Variants in DNER observed in about 807,000 individuals in gnomAD.
The protein encoded by DNER is delta/notch like EGF repeat containing.
DNER carries 33 observed loss-of-function variants against 78.2 expected under a neutral mutation model. The observed-to-expected ratio is 0.42, with a 90% confidence interval of 0.32 to 0.56. The LOEUF is 0.56. Among genes scored for constraint, DNER ranks in the 20% least tolerant of loss-of-function variants. DNER has a pLI of 0.11. For synonymous variants in DNER, 417 were observed against 384.8 expected (o/e 1.08, Z -0.98); for missense variants, 918 against 975.3 (o/e 0.94, Z 0.78).
At chr2:229,601,600 C>T (rs1697827917) in intron 1 of DNER, among the ~76,000 whole-genome samples, 1 of 152,184 alleles carries the variant, frequency 6.6e-6, no homozygotes, top group Non-Finnish European at 1.5e-5. Flanking sequence ...TTGAAACCAG[C>T]TTGTCCTGAT....
intron 1 of DNER, among the ~76,000 whole-genome samples, chr2:229,658,027 A>G (rs1375479579): frequency 6.6e-6 from 1 of 152,216 alleles, no homozygotes; most frequent in African/African-American, 2.4e-5. Context: ...CAGTGAATTG[A>G]ATTGGAATTG....
At chr2:229,387,543 GAA>G (rs1307492945) in intron 11 of DNER, among the ~76,000 whole-genome samples, 3 of 145,646 alleles carry the variant, frequency 2.1e-5, no homozygotes, top group East Asian at 2.0e-4. Flanking sequence ...AAGAAAGAAA[GAA>G]AGAAAGAAAG....
intron 1 of DNER, among the ~76,000 whole-genome samples, chr2:229,616,427 C>G (rs1356110424): frequency 2.6e-5 from 4 of 152,116 alleles, no homozygotes; most frequent in Non-Finnish European, 2.9e-5. Flanking sequence ...CAGAGTGGTA[C>G]TCAATCATAA....
chr2:229,635,910 A>T (rs939178815), intron 1 of DNER, among the ~76,000 whole-genome samples: 5 of 152,014 alleles, frequency 3.3e-5, no homozygotes, highest in African/African-American at 1.2e-4. Flanking sequence ...AAAAACTCTG[A>T]GGGTTATTTT....
At chr2:229,615,478 G>C (rs183681491) in intron 1 of DNER, among the ~76,000 whole-genome samples, 1 of 151,972 alleles carries the variant, frequency 6.6e-6, no homozygotes, top group African/African-American at 2.4e-5. Context: ...GGGAGGCCGA[G>C]GCGGGTGGAT....
chr2:229,457,712 G>A (rs1694606499), intron 7 of DNER, among the ~76,000 whole-genome samples: 1 of 150,228 alleles, frequency 6.7e-6, no homozygotes, highest in African/African-American at 2.5e-5. Flanking sequence ...TCATATCAAG[G>A]TTATATTGAA....
At chr2:229,397,938 T>G (rs1385576240) in intron 10 of DNER, among the ~76,000 whole-genome samples, 1 of 152,058 alleles carries the variant, frequency 6.6e-6, no homozygotes, top group Non-Finnish European at 1.5e-5. Context: ...CCTATATCAA[T>G]ACTCTAAGAT....
At chr2:229,543,863 C>T (rs1016456423) in intron 5 of DNER, among the ~76,000 whole-genome samples, 1 of 152,182 alleles carries the variant, frequency 6.6e-6, no homozygotes, top group Non-Finnish European at 1.5e-5. Context: ...GATGCCTGCT[C>T]TTTCTTCCGT....
chr2:229,705,152 G>C (rs1383053805), intron 1 of DNER, among the ~76,000 whole-genome samples: 1 of 152,118 alleles, frequency 6.6e-6, no homozygotes, highest in Non-Finnish European at 1.5e-5. Context: ...TGGAAAAGAA[G>C]GACTAGATAC....
intron 1 of DNER, among the ~76,000 whole-genome samples, chr2:229,609,195 C>G (rs1464464444): frequency 6.6e-6 from 1 of 152,174 alleles, no homozygotes; most frequent in Non-Finnish European, 1.5e-5. Context: ...TGCACTCCAG[C>G]TTGGGCAACA....
chr2:229,624,048 C>G (rs1386666509), intron 1 of DNER, among the ~76,000 whole-genome samples: 2 of 152,292 alleles, frequency 1.3e-5, no homozygotes, highest in East Asian at 3.9e-4. Context: ...AGCTCCCCAG[C>G]CACCCCAGCT....
In DNER at chr2:229,554,944, G is replaced by A. The variant is rs193237260; in HGVS notation, c.848-7852C>T. Reference sequence around the variant, plus strand: ...AGAGAAGAGAAGAGAAGAGAGAAAAGGGAAGGGAAGGGAAGGGAAGGGAAG... The same window carrying A: ...AGAGAAGAGAAGAGAAGAGAGAAAAAGGAAGGGAAGGGAAGGGAAGGGAAG... On this transcript the variant is annotated intron_variant, in intron 4 of 12. Transcript: ENST00000341772. Among the ~76,000 whole-genome samples the A allele has an allele frequency of 1.8e-3, 137 of 75,550 alleles. 1 individual carries two copies. Among genetic ancestry groups the A allele is most frequent in the Non-Finnish European group, 3.1e-3 (108 of 34,954 alleles). The allele number at this position is 75,550 out of a possible 152,430, so 49.6% of individuals were successfully genotyped here.
intron 6 of DNER, among the ~76,000 whole-genome samples, chr2:229,505,210 G>GTGTGTGTC (rs1420885016): frequency 6.6e-6 from 1 of 151,656 alleles, no homozygotes; most frequent in Non-Finnish European, 1.5e-5. Flanking sequence ...GTGTGTGTGT[G>GTGTGTGTC]TGTGTGTGTT....
At chr2:229,387,234 C>A (rs1692887158) in intron 11 of DNER, among the ~76,000 whole-genome samples, 1 of 152,018 alleles carries the variant, frequency 6.6e-6, no homozygotes, top group African/African-American at 2.4e-5. Context: ...GAACAAAAAA[C>A]CAAACACCAC....
chr2:229,598,214 CAG>C (rs1697760662), intron 1 of DNER, among the ~76,000 whole-genome samples: 2 of 152,244 alleles, frequency 1.3e-5, no homozygotes, highest in Non-Finnish European at 2.9e-5. Context: ...TGGGGAGACA[CAG>C]AGGTGACTAA....
chr2:229,454,884 A>AATATT (rs1694538960), intron 7 of DNER, among the ~76,000 whole-genome samples: 16 of 151,146 alleles, frequency 1.1e-4, no homozygotes, highest in African/African-American at 4.0e-4. Flanking sequence ...TAAAAAAAGA[A>AATATT]AGTGGGATAT....
At chr2:229,503,974 G>A (rs1464258400) in intron 6 of DNER, among the ~76,000 whole-genome samples, 1 of 151,858 alleles carries the variant, frequency 6.6e-6, no homozygotes, top group Non-Finnish European at 1.5e-5. Flanking sequence ...AAACTCCTGG[G>A]CTCAAGTGAT....
chr2:229,442,659 G>A (rs1167671116), intron 8 of DNER, among the ~76,000 whole-genome samples: 2 of 152,258 alleles, frequency 1.3e-5, no homozygotes, highest in East Asian at 1.9e-4. Context: ...ACCTTTGCAG[G>A]TATATTTATT....
At chr2:229,705,693 A>G (rs1205741590) in intron 1 of DNER, among the ~76,000 whole-genome samples, 3 of 152,174 alleles carry the variant, frequency 2.0e-5, no homozygotes, top group African/African-American at 7.2e-5. Flanking sequence ...TTCCTTAGCC[A>G]TAAGATGGGG....
Sources: allele counts gnomAD v4.1 joint callset (sites outside exome capture counted in the v4.1 genomes callset), GRCh38; gene constraint gnomAD v4.1.1; transcripts MANE v1.5; gene names NCBI Gene and HGNC (gene_info 2026-07-23, HGNC 2026-07-21).